The following ITGBL1 variants were observed in gnomAD, a reference collection of about 807,000 sequenced individuals.
ITGBL1 encodes integrin subunit beta like 1, also known as integrin beta-like protein 1.
Under a neutral mutation model 68.5 loss-of-function variants are expected in ITGBL1, and 51 were observed. The ratio of observed to expected loss-of-function variants is 0.74; its 90% CI spans 0.59 to 0.94. The LOEUF (loss-of-function observed/expected upper bound fraction) is 0.94, where lower values mean the gene tolerates loss of function less well. ITGBL1 is among the 40% of genes least tolerant of loss of function. ITGBL1 has a pLI of 0.00. For synonymous variants in ITGBL1, 209 were observed against 227.3 expected, an observed-to-expected ratio of 0.92 and a Z score of 0.72; for missense variants, 649 against 647.4, an observed-to-expected ratio of 1.00 and a Z score of -0.03.
chr13:101,632,364 A>G lies in ITGBL1; in HGVS notation c.1015+34065A>G, dbSNP rs1432321765. Among the ~76,000 whole-genome samples the G allele has an allele frequency of 2.0e-5, 3 of 152,322 alleles. No individual in the cohort carries two copies. In the East Asian group the frequency reaches 5.8e-4, roughly 29 times the overall value. ...TAAAACCCCAATGAGTTATCCCTGC[A>G]CAACCACTAGAATGGAGAAAATTAA... On this transcript the variant is annotated intron_variant, in intron 7 of 10. Coordinates refer to ENST00000376180, the MANE Select transcript of ITGBL1 (RefSeq NM_004791.3).
intron 2 of ITGBL1, among the ~76,000 whole-genome samples, chr13:101,495,441 C>T (rs1594846141): frequency 6.6e-6 from 1 of 152,260 alleles, no homozygotes; most frequent in East Asian, 1.9e-4. Flanking sequence ...AGAGTCCTCT[C>T]ATGAAAATGT....
At chr13:101,573,481 A>G (rs899528794) in intron 3 of ITGBL1, among the ~76,000 whole-genome samples, 1 of 152,140 alleles carries the variant, frequency 6.6e-6, no homozygotes, top group Non-Finnish European at 1.5e-5. Flanking sequence ...CCATAAATAT[A>G]TTTTCTGGAG....
chr13:101,510,589 A>T (rs2049099923), intron 2 of ITGBL1, among the ~76,000 whole-genome samples: 1 of 152,118 alleles, frequency 6.6e-6, no homozygotes, highest in African/African-American at 2.4e-5. Context: ...TTTCTAAAGT[A>T]GTTGAACTAA....
chr13:101,531,766 T>C (rs1316966082), intron 2 of ITGBL1, among the ~76,000 whole-genome samples: 1 of 151,768 alleles, frequency 6.6e-6, no homozygotes, highest in African/African-American at 2.4e-5. Context: ...GGAGTCTCGC[T>C]CTGTGGCTCA....
chr13:101,482,881 G>A (rs1376832883), intron 2 of ITGBL1, among the ~76,000 whole-genome samples: 2 of 152,096 alleles, frequency 1.3e-5, no homozygotes, highest in South Asian at 2.1e-4. Flanking sequence ...ACGCATCAAC[G>A]GGGGACTTGT....
At chr13:101,585,392 G>C (rs1002123736) in intron 6 of ITGBL1, among the ~76,000 whole-genome samples, 1 of 152,118 alleles carries the variant, frequency 6.6e-6, no homozygotes, top group Non-Finnish European at 1.5e-5. Context: ...TAGAGTTGGT[G>C]GTTAAAACTA....
At chr13:101,713,430 C>T (rs897543313) in intron 9 of ITGBL1, 7 of 152,008 alleles carry the variant, frequency 4.6e-5, no homozygotes, top group Admixed American at 3.3e-4. Flanking sequence ...ATTTTTTCAA[C>T]GTGATTTTGA....
intron 3 of ITGBL1, among the ~76,000 whole-genome samples, chr13:101,569,271 T>G (rs956584708): frequency 2.9e-4 from 43 of 148,498 alleles, no homozygotes; most frequent in African/African-American, 3.9e-4. Flanking sequence ...AAATTTAGGG[T>G]TTTTTTTTAG....
chr13:101,471,814 A>G (rs1394883205), intron 2 of ITGBL1, among the ~76,000 whole-genome samples: 1 of 152,012 alleles, frequency 6.6e-6, no homozygotes, highest in Non-Finnish European at 1.5e-5. Context: ...AAAAGGAGCC[A>G]CAGGCCCAAG....
chr13:101,500,738 G>A (rs140583035), intron 2 of ITGBL1, among the ~76,000 whole-genome samples: 55 of 152,278 alleles, frequency 3.6e-4, no homozygotes, highest in African/African-American at 1.3e-3. Flanking sequence ...GCATTTTACA[G>A]CCTTTAAGCA....
intron 7 of ITGBL1, among the ~76,000 whole-genome samples, chr13:101,610,492 T>A (rs1199259039): frequency 6.6e-6 from 1 of 152,196 alleles, no homozygotes; most frequent in African/African-American, 2.4e-5. Context: ...ACATCATATT[T>A]TCATAAACGA....
chr13:101,662,217 C>G (rs2033106504), intron 7 of ITGBL1, among the ~76,000 whole-genome samples: 1 of 152,150 alleles, frequency 6.6e-6, no homozygotes, highest in South Asian at 2.1e-4. Flanking sequence ...TGGCAATTTC[C>G]TGTTACTTCA....
At chr13:101,524,728 G>A (rs953401297) in intron 2 of ITGBL1, among the ~76,000 whole-genome samples, 1 of 150,196 alleles carries the variant, frequency 6.7e-6, no homozygotes, top group Non-Finnish European at 1.5e-5. Context: ...ATCTAGGGTA[G>A]ACTATGAAAA....
intron 2 of ITGBL1, among the ~76,000 whole-genome samples, chr13:101,455,608 G>A (rs1261783652): frequency 2.0e-5 from 3 of 152,198 alleles, no homozygotes; most frequent in Non-Finnish European, 4.4e-5. Context: ...AGGTTGCAGA[G>A]AGCCAAGATC....
chr13:101,610,067 A>G (rs143194584), intron 7 of ITGBL1, among the ~76,000 whole-genome samples: 35 of 152,304 alleles, frequency 2.3e-4, no homozygotes, highest in African/African-American at 7.7e-4. Flanking sequence ...TTTAATTCCA[A>G]TTTCTCCAGG....
At chr13:101,457,464 G>A (rs377030302) in intron 2 of ITGBL1, among the ~76,000 whole-genome samples, 23 of 152,292 alleles carry the variant, frequency 1.5e-4, no homozygotes, top group Non-Finnish European at 2.5e-4. Context: ...TATAGTTTGC[G>A]CTGGTTGAAA....
chr13:101,459,338 G>C (rs1009419798), intron 2 of ITGBL1, among the ~76,000 whole-genome samples: 4 of 152,136 alleles, frequency 2.6e-5, no homozygotes, highest in Non-Finnish European at 5.9e-5. Flanking sequence ...TATCCTTATG[G>C]ATATGAAGAA....
intron 7 of ITGBL1, among the ~76,000 whole-genome samples, chr13:101,670,106 C>T (rs1594968452): frequency 1.3e-5 from 2 of 152,160 alleles, no homozygotes; most frequent in Admixed American, 1.3e-4. Flanking sequence ...TTGATCTGTT[C>T]TCTTGGCTTT....
intron 7 of ITGBL1, among the ~76,000 whole-genome samples, chr13:101,612,710 A>G (rs2031191215): frequency 1.3e-5 from 2 of 152,106 alleles, no homozygotes; most frequent in African/African-American, 2.4e-5. Context: ...AAGATTTTGG[A>G]TGTGTTAGGA....
Sources: allele counts gnomAD v4.1 joint callset (sites outside exome capture counted in the v4.1 genomes callset), GRCh38; gene constraint gnomAD v4.1.1; transcripts MANE v1.5; gene names NCBI Gene and HGNC (gene_info 2026-07-23, HGNC 2026-07-21).